CALN1: variants seen among roughly 807,000 people sequenced by gnomAD.
The protein encoded by CALN1 is calcium-binding protein 8.
A neutral mutation model predicts 30.6 loss-of-function variants in CALN1; 17 were observed. The ratio of observed to expected loss-of-function variants is 0.56; its 90% CI spans 0.38 to 0.83. The LOEUF (loss-of-function observed/expected upper bound fraction) is 0.83, where lower values mean the gene tolerates loss of function less well. Among genes scored for constraint, CALN1 ranks in the 40% least tolerant of loss-of-function variants. CALN1 has a pLI of 0.00. For missense variants in CALN1, 291 were observed against 354.9 expected (o/e 0.82, Z 1.45); for synonymous variants, 156 against 131.4 (o/e 1.19, Z -1.28).
chr7:72,281,520 C>T (rs1359111055), intron 2 of CALN1, among the ~76,000 whole-genome samples: 1 of 152,162 alleles, frequency 6.6e-6, no homozygotes, highest in Admixed American at 6.5e-5. Context: ...TGGGAAGACA[C>T]CTGCTCTGAT....
intron 2 of CALN1, among the ~76,000 whole-genome samples, chr7:72,279,051 G>T (rs1384248350): frequency 6.6e-6 from 1 of 152,062 alleles, no homozygotes; most frequent in Admixed American, 6.5e-5. Context: ...ATTTAATTAT[G>T]AATTTGAACG....
At chr7:72,031,205 C>G (rs924521887) in intron 4 of CALN1, among the ~76,000 whole-genome samples, 2 of 152,110 alleles carry the variant, frequency 1.3e-5, no homozygotes, top group Non-Finnish European at 2.9e-5. Context: ...TCTCCTGATC[C>G]CAGCTTTTCT....
chr7:71,982,237 G>A lies in CALN1; in HGVS notation c.501+41420C>T, dbSNP rs141720715. Among the ~76,000 whole-genome samples the A allele has an allele frequency of 2.2e-3, 329 of 152,228 alleles. 1 individual carries two copies. Among genetic ancestry groups the A allele is most frequent in the African/African-American group, 7.5e-3 (313 of 41,560 alleles). ...AAAATCAAGAAAAAATGAAGGTGGCGGTGGCCACAGAGATGCTGAATAATT... is the reference window on the plus strand; with the variant it reads ...AAAATCAAGAAAAAATGAAGGTGGCAGTGGCCACAGAGATGCTGAATAATT... On this transcript the variant is annotated intron_variant, in intron 5 of 6. Transcript: ENST00000395275.
intron 4 of CALN1, among the ~76,000 whole-genome samples, chr7:72,105,520 G>A (rs1312905875): frequency 6.6e-6 from 1 of 151,602 alleles, no homozygotes; most frequent in Non-Finnish European, 1.5e-5. Context: ...TGGAGCTCTG[G>A]ACCAAGACCC....
At chr7:71,799,600 C>T (rs1037022745) in intron 6 of CALN1, among the ~76,000 whole-genome samples, 6 of 151,800 alleles carry the variant, frequency 4.0e-5, no homozygotes, top group East Asian at 1.9e-4. Context: ...CTAGTAGCTG[C>T]GATTACAGGT....
chr7:72,306,272 G>A (rs1799643232), intron 2 of CALN1, among the ~76,000 whole-genome samples: 1 of 152,140 alleles, frequency 6.6e-6, no homozygotes, highest in Admixed American at 6.5e-5. Flanking sequence ...TATTCACATA[G>A]CTAGATCTTT....
chr7:71,806,761 C>T (rs1787651250), intron 6 of CALN1, among the ~76,000 whole-genome samples: 2 of 152,288 alleles, frequency 1.3e-5, no homozygotes, highest in South Asian at 4.1e-4. Flanking sequence ...ATGCAGTTTC[C>T]ACATCCTGAT....
the CALN1 span, among the ~76,000 whole-genome samples, chr7:72,455,363 G>A: frequency 7.0e-6 from 1 of 142,170 alleles, no homozygotes; most frequent in Non-Finnish European, 1.5e-5. Context: ...GTGTGTGTGT[G>A]TACATAGGTG....
intron 5 of CALN1, among the ~76,000 whole-genome samples, chr7:71,847,808 A>AAGGAGG (rs1790392759): frequency 3.6e-5 from 2 of 56,068 alleles, no homozygotes; most frequent in African/African-American, 1.4e-4. Flanking sequence ...AGAAGAAAAG[A>AAGGAGG]AGGAGAAGGA....
intron 5 of CALN1, among the ~76,000 whole-genome samples, chr7:71,946,455 C>A (rs557367942): frequency 6.6e-6 from 1 of 150,550 alleles, no homozygotes; most frequent in Non-Finnish European, 1.5e-5. Flanking sequence ...GCAGCCTTGA[C>A]CTCCGGGGCT....
chr7:72,010,752 G>A (rs1330035294), intron 5 of CALN1, among the ~76,000 whole-genome samples: 2 of 151,224 alleles, frequency 1.3e-5, no homozygotes, highest in Non-Finnish European at 2.9e-5. Context: ...GGCGGAGATT[G>A]CAGTGAGCCA....
rs1295874117 is a variant in CALN1 at position 72,255,753 on chromosome 7, C to T, written c.244+22933G>A. Among the ~76,000 whole-genome samples, 6 of 125,232 alleles carry T rather than the reference C, an allele frequency of 4.8e-5. 1 individual carries two copies. The highest frequency in any genetic ancestry group is 1.8e-4 in the African/African-American group (6 of 32,616). 82.2% of individuals were successfully genotyped at this position (125,232 alleles called of 152,430 possible). The stretch of plus-strand genomic sequence containing the variant: ...ATAATTTTTTTTTTTTTTTTTGAGA[C>T]AAAGTCTCACCCTGTCGCCCAGGCT... On this transcript the variant is annotated intron_variant, in intron 3 of 6. Coordinates refer to ENST00000395275, the MANE Select transcript of CALN1 (RefSeq NM_031468.4).
At chr7:71,920,526 G>A (rs1408731410) in intron 5 of CALN1, among the ~76,000 whole-genome samples, 1 of 151,700 alleles carries the variant, frequency 6.6e-6, no homozygotes, top group African/African-American at 2.4e-5. Context: ...TAGTAGAGAT[G>A]GGGTTTCACC....
chr7:72,436,372 T>A (rs935214891), intron 1 of CALN1, among the ~76,000 whole-genome samples: 4 of 152,216 alleles, frequency 2.6e-5, no homozygotes, highest in African/African-American at 7.2e-5. Context: ...TCTGCTACCA[T>A]GTAAGATGTG....
intron 3 of CALN1, among the ~76,000 whole-genome samples, chr7:72,207,069 A>C (rs181998958): frequency 1.3e-5 from 2 of 152,300 alleles, no homozygotes; most frequent in East Asian, 3.9e-4. Context: ...CAACTATTAC[A>C]ATTTGCCAGA....
chr7:72,071,777 A>T (rs1380285486), intron 4 of CALN1, among the ~76,000 whole-genome samples: 4 of 152,222 alleles, frequency 2.6e-5, no homozygotes, highest in African/African-American at 9.6e-5. Flanking sequence ...TAATAAATCA[A>T]CAAAAACTGT....
intron 3 of CALN1, among the ~76,000 whole-genome samples, chr7:72,128,440 A>T (rs1369779236): frequency 6.6e-6 from 1 of 152,228 alleles, no homozygotes; most frequent in Non-Finnish European, 1.5e-5. Flanking sequence ...TCCCAAAACA[A>T]TCAAAGATTA....
intron 2 of CALN1, among the ~76,000 whole-genome samples, chr7:72,305,098 C>T (rs1799559867): frequency 6.6e-6 from 1 of 152,198 alleles, no homozygotes; most frequent in Admixed American, 6.5e-5. Flanking sequence ...GGTTGGAACC[C>T]TTTAAGGGCC....
intron 2 of CALN1, among the ~76,000 whole-genome samples, chr7:72,348,951 C>T (rs1267619881): frequency 1.3e-5 from 2 of 151,690 alleles, no homozygotes; most frequent in African/African-American, 4.9e-5. Context: ...CAGAAAGGGG[C>T]TTTCGAGCAG....
Sources: allele counts gnomAD v4.1 joint callset (sites outside exome capture counted in the v4.1 genomes callset), GRCh38; gene constraint gnomAD v4.1.1; transcripts MANE v1.5; gene names NCBI Gene and HGNC (gene_info 2026-07-23, HGNC 2026-07-21).